The following GALNT10 variants were observed in gnomAD, a reference collection of about 807,000 sequenced individuals.
The protein encoded by GALNT10 is polypeptide N-acetylgalactosaminyltransferase 10, also known as GalNAc transferase 10.
A neutral mutation model predicts 75.0 loss-of-function variants in GALNT10; 41 were observed. That is an observed-to-expected ratio of 0.55 (90% CI 0.43 to 0.71). The LOEUF (loss-of-function observed/expected upper bound fraction) is 0.71. GALNT10 is among the 30% of genes least tolerant of loss of function. The pLI is 0.00. For synonymous variants in GALNT10, 302 were observed against 313.0 expected (o/e 0.96, Z 0.37); for missense variants, 727 against 818.5 (o/e 0.89, Z 1.36).
intron 1 of GALNT10, among the ~76,000 whole-genome samples, chr5:154,248,410 G>A (rs1753465525): frequency 6.6e-6 from 1 of 152,158 alleles, no homozygotes; most frequent in Non-Finnish European, 1.5e-5. Context: ...TTGTACCTCT[G>A]GTAGAATTCA....
chr5:154,268,893 T>C (rs1753815383), intron 1 of GALNT10, among the ~76,000 whole-genome samples: 1 of 152,120 alleles, frequency 6.6e-6, no homozygotes, highest in African/African-American at 2.4e-5. Context: ...TCCCAACACT[T>C]TGGGAGGCCA....
chr5:154,254,927 C>CT (rs1753584080), intron 1 of GALNT10, among the ~76,000 whole-genome samples: 1 of 152,076 alleles, frequency 6.6e-6, no homozygotes, highest in Non-Finnish European at 1.5e-5. Flanking sequence ...TGCATGTCTG[C>CT]TTTTTTCCTT....
chr5:154,288,408 T>TTGTGTGTGTGTGTGTGTG (rs10534031), intron 1 of GALNT10, among the ~76,000 whole-genome samples: 2 of 122,622 alleles, frequency 1.6e-5, no homozygotes, highest in African/African-American at 2.6e-5. Flanking sequence ...AAAATTCCAT[T>TTGTGTGTGTGTGTGTGTG]TGTGTGTGTG....
intron 6 of GALNT10, among the ~76,000 whole-genome samples, chr5:154,383,051 C>T (rs1335728336): frequency 1.3e-5 from 2 of 152,330 alleles, no homozygotes; most frequent in East Asian, 1.9e-4. Flanking sequence ...ATGCAGGTAT[C>T]ATCATTTTTT....
At chr5:154,391,953 C>G (rs1703010423) in intron 7 of GALNT10, among the ~76,000 whole-genome samples, 1 of 152,172 alleles carries the variant, frequency 6.6e-6, no homozygotes, top group Non-Finnish European at 1.5e-5. Flanking sequence ...CTGAACAATA[C>G]TGCAATTGGT....
In GALNT10 at chr5:154,416,432, CAAAAAAATT is replaced by C. The variant is rs1268673948; in HGVS notation, c.1654-364_1654-356del. ...TGGGTGACAGAGTGAGAACCTGTCT[CAAAAAAATT>C]AAAAAAATTAAAAAAATAAAAGATA... is the stretch of plus-strand genomic sequence containing the variant. On this transcript the variant is annotated intron_variant, in intron 11 of 11. Transcript: ENST00000297107. This position sits in a 1 kb window ranked among gnomAD's most constrained non-coding sequence, Gnocchi z 4.5. 6.7e-6 allele frequency among the ~76,000 whole-genome samples: 1 copy of C among 148,174 alleles called. No individual in the cohort carries two copies. Among genetic ancestry groups the C allele is most frequent in the Admixed American group, 6.7e-5 (1 of 14,862 alleles).
chr5:154,328,659 A>G (rs2113116432), intron 3 of GALNT10, among the ~76,000 whole-genome samples: 1 of 152,270 alleles, frequency 6.6e-6, no homozygotes, highest in African/African-American at 2.4e-5. Context: ...GTCCCACAAG[A>G]TTATCCCTCA....
intron 4 of GALNT10, among the ~76,000 whole-genome samples, chr5:154,372,593 A>G (rs1374093370): frequency 6.6e-6 from 1 of 152,232 alleles, no homozygotes; most frequent in Admixed American, 6.5e-5. Flanking sequence ...TGTGACAGGC[A>G]GCACTGCAGG....
intron 1 of GALNT10, among the ~76,000 whole-genome samples, chr5:154,219,224 T>C (rs1752931589): frequency 6.6e-6 from 1 of 152,222 alleles, no homozygotes; most frequent in African/African-American, 2.4e-5. Context: ...TGGGCCTCCC[T>C]GGCCAGGTCC....
chr5:154,410,413 G>A (rs373723578), intron 9 of GALNT10, among the ~76,000 whole-genome samples: 14 of 151,712 alleles, frequency 9.2e-5, no homozygotes, highest in African/African-American at 1.9e-4. Context: ...TTAGCCAGGC[G>A]TAATGGTATG....
At chr5:154,337,834 A>G (rs1754968041) in intron 4 of GALNT10, 1 of 1,007,944 alleles carries the variant, frequency 9.9e-7, no homozygotes, top group Non-Finnish European at 1.6e-6. Context: ...AAGTTTCCAG[A>G]GCCACTTCAG....
intron 1 of GALNT10, among the ~76,000 whole-genome samples, chr5:154,281,410 C>T (rs973659342): frequency 6.6e-6 from 1 of 152,154 alleles, no homozygotes; most frequent in Non-Finnish European, 1.5e-5. Flanking sequence ...TATCTTTTGA[C>T]GTTGCTAAAC....
chr5:154,219,721 C>T (rs1402502189), intron 1 of GALNT10: 1 of 150,212 alleles, frequency 6.7e-6, no homozygotes, highest in Non-Finnish European at 1.5e-5. Context: ...GAGAACCTCT[C>T]AGTGATCTTT....
chr5:154,283,519 G>A (rs1464870326), intron 1 of GALNT10, among the ~76,000 whole-genome samples: 1 of 152,142 alleles, frequency 6.6e-6, no homozygotes, highest in Non-Finnish European at 1.5e-5. Flanking sequence ...AGGTGGGATA[G>A]GTAAGGGGCT....
intron 1 of GALNT10, among the ~76,000 whole-genome samples, chr5:154,272,916 C>T (rs1324758915): frequency 1.4e-5 from 2 of 140,568 alleles, no homozygotes; most frequent in African/African-American, 5.2e-5. Flanking sequence ...TCATAGCTTA[C>T]TGCAACCTTG....
In GALNT10 at chr5:154,416,016, G is replaced by A. The variant is rs1340741386; in HGVS notation, c.1653+84G>A. 6 of 1,255,126 alleles carry A rather than the reference G, an allele frequency of 4.8e-6. No homozygotes were observed. In the African/African-American group the frequency reaches 9.0e-5, roughly 19 times the overall value. 77.7% of individuals were successfully genotyped at this position (1,255,126 alleles called of 1,614,324 possible). ...GTGCTTCACCCCTTCTTTCAACAGA[G>A]CCCATCCACTTATTCATTTGTGCCA... On this transcript the variant is annotated intron_variant, in intron 11 of 11. Transcript: ENST00000297107. This position sits in a 1 kb window ranked among gnomAD's most constrained non-coding sequence, Gnocchi z 4.5.
At chr5:154,377,166 G>A (rs999154643) in intron 5 of GALNT10, among the ~76,000 whole-genome samples, 1 of 152,202 alleles carries the variant, frequency 6.6e-6, no homozygotes, top group East Asian at 1.9e-4. Flanking sequence ...GGAGGGAGAT[G>A]GGAAGACTGG....
intron 1 of GALNT10, among the ~76,000 whole-genome samples, chr5:154,205,636 G>A (rs766453906): frequency 3.9e-5 from 6 of 152,310 alleles, no homozygotes; most frequent in African/African-American, 1.4e-4. Flanking sequence ...TGTTGCAAAT[G>A]TAACCAATCA....
chr5:154,410,052 A>T (rs1251065737), intron 9 of GALNT10, among the ~76,000 whole-genome samples: 2 of 152,246 alleles, frequency 1.3e-5, no homozygotes, highest in African/African-American at 4.8e-5. Flanking sequence ...CATGTAACTC[A>T]TGTTCAGAAT....
Sources: allele counts gnomAD v4.1 joint callset (sites outside exome capture counted in the v4.1 genomes callset), GRCh38; gene constraint gnomAD v4.1.1; non-coding constraint Gnocchi (gnomAD v3.1); transcripts MANE v1.5; gene names NCBI Gene and HGNC (gene_info 2026-07-23, HGNC 2026-07-21).